Variants in WDR41 observed in about 807,000 individuals in gnomAD.
WDR41 encodes the protein WD repeat-containing protein 41.
A neutral mutation model predicts 69.3 loss-of-function variants in WDR41; 63 were observed. The ratio of observed to expected loss-of-function variants is 0.91; its 90% CI spans 0.74 to 1.12. WDR41 has a LOEUF of 1.12. Among genes scored for constraint, WDR41 ranks in the 50% most tolerant of loss-of-function variants. The probability of loss-of-function intolerance (pLI) is 0.00; values close to 1 mark genes in which losing one functional copy is unlikely to be tolerated. For synonymous variants in WDR41, 185 were observed against 192.1 expected, an observed-to-expected ratio of 0.96 and a Z score of 0.31; for missense variants, 543 against 534.5, an observed-to-expected ratio of 1.02 and a Z score of -0.16.
chr5:77,490,739 A>G (rs1801738055), intron 1 of WDR41, among the ~76,000 whole-genome samples: 1 of 152,226 alleles, frequency 6.6e-6, no homozygotes, highest in South Asian at 2.1e-4. Context: ...GGTTAAGCAA[A>G]TAACATGATT....
intron 6 of WDR41, chr5:77,451,639 C>T: frequency 3.6e-6 from 1 of 279,688 alleles, no homozygotes; most frequent in South Asian, 5.4e-5. Context: ...CAGCAATTCA[C>T]ACTTATTTAC....
At chr5:77,543,130 C>CT (rs1397564466) in intron 1 of WDR41, among the ~76,000 whole-genome samples, 2 of 152,150 alleles carry the variant, frequency 1.3e-5, no homozygotes, top group Non-Finnish European at 2.9e-5. Context: ...AGGGAACACC[C>CT]TGTGGGACAA....
chr5:77,456,270 A>C (rs1279807904), intron 5 of WDR41, among the ~76,000 whole-genome samples: 1 of 152,188 alleles, frequency 6.6e-6, no homozygotes, highest in Non-Finnish European at 1.5e-5. Flanking sequence ...TGGCCTCCCA[A>C]AGTGCTAGGA....
At chr5:77,526,694 T>C (rs1384435172) in intron 1 of WDR41, among the ~76,000 whole-genome samples, 1 of 152,160 alleles carries the variant, frequency 6.6e-6, no homozygotes, top group Admixed American at 6.5e-5. Context: ...GACTCCCTCA[T>C]TACTTTCTCC....
intron 2 of WDR41, among the ~76,000 whole-genome samples, chr5:77,472,006 T>C (rs906644157): frequency 6.6e-5 from 10 of 152,154 alleles, no homozygotes; most frequent in Non-Finnish European, 1.3e-4. Context: ...CTGATGAACA[T>C]TGATGCAGAA....
chr5:77,598,690 TGACATTAACAATA>T (rs1336079373), intron 1 of WDR41, among the ~76,000 whole-genome samples: 1 of 150,676 alleles, frequency 6.6e-6, no homozygotes, highest in African/African-American at 2.4e-5. Context: ...TTGAGTTGTC[TGACATTAACAATA>T]GAAAAGTACA....
intron 1 of WDR41, chr5:77,545,580 G>A: frequency 3.3e-6 from 1 of 302,642 alleles, no homozygotes; most frequent in South Asian, 4.8e-5. Context: ...TGGGCCGTCT[G>A]GTCAAGGACA....
chr5:77,610,249 G>C (rs1490511119), intron 1 of WDR41, among the ~76,000 whole-genome samples: 8 of 152,316 alleles, frequency 5.3e-5, no homozygotes, highest in African/African-American at 1.9e-4. Context: ...TTATACAGGA[G>C]AACTTCCCCA....
intron 1 of WDR41, among the ~76,000 whole-genome samples, chr5:77,490,092 C>T (rs1801704044): frequency 7.0e-6 from 1 of 142,836 alleles, no homozygotes; most frequent in African/African-American, 2.7e-5. Context: ...ACATTTTGGG[C>T]TAGAGAATTT....
At chr5:77,472,572 A>C (rs1422416828) in intron 2 of WDR41, among the ~76,000 whole-genome samples, 1 of 152,198 alleles carries the variant, frequency 6.6e-6, no homozygotes, top group Non-Finnish European at 1.5e-5. Flanking sequence ...CAACTTCAGC[A>C]AAGTCTCAGG....
intron 2 of WDR41, among the ~76,000 whole-genome samples, chr5:77,469,406 AG>A (rs1335091316): frequency 6.6e-6 from 1 of 152,206 alleles, no homozygotes; most frequent in Non-Finnish European, 1.5e-5. Flanking sequence ...CTCACAGCCC[AG>A]ATTTTGCTGA....
At chr5:77,594,884 ATATCACTATTCTCC>A (rs1744197848) in intron 1 of WDR41, among the ~76,000 whole-genome samples, 1 of 152,244 alleles carries the variant, frequency 6.6e-6, no homozygotes, top group Non-Finnish European at 1.5e-5. Context: ...AAATGCATTT[ATATCACTATTCTCC>A]TTCAGAGCAT....
chr5:77,578,495 A>G, intron 1 of WDR41, among the ~76,000 whole-genome samples: 1 of 152,254 alleles, frequency 6.6e-6, no homozygotes, highest in East Asian at 1.9e-4. Flanking sequence ...AGCAAGCAAC[A>G]GAAACTGCTA....
intron 10 of WDR41, among the ~76,000 whole-genome samples, chr5:77,437,951 A>G (rs139214092): frequency 6.6e-6 from 1 of 152,348 alleles, no homozygotes; most frequent in Non-Finnish European, 1.5e-5. Context: ...AATTGGTACA[A>G]TGTAAGTGGC....
chr5:77,440,840 A>G lies in WDR41; in HGVS notation c.855T>C (p.Ser285=). ...IKLCQKSNDI[S]IHHFTCDEEN... Reference sequence around the variant, plus strand: ...CTTCATCACATGTGAAATGATGAATAGAAATGTCATTTGATTTTTGACAGA... The same window carrying G: ...CTTCATCACATGTGAAATGATGAATGGAAATGTCATTTGATTTTTGACAGA... The change falls in exon 9 of 13, where the codon TCT becomes TCC. Residue 285 remains serine, a synonymous_variant. Coordinates refer to ENST00000296679, the MANE Select transcript of WDR41 (RefSeq NM_018268.4). 1 of 1,614,208 alleles carries G rather than the reference A, an allele frequency of 6.2e-7. No individual in the cohort carries two copies. Among genetic ancestry groups the G allele is most frequent in the Non-Finnish European group, 8.5e-7 (1 of 1,180,036 alleles).
chr5:77,512,090 T>C (rs998013148), intron 1 of WDR41, among the ~76,000 whole-genome samples: 1 of 152,118 alleles, frequency 6.6e-6, no homozygotes, highest in African/African-American at 2.4e-5. Context: ...AGTATGAAAA[T>C]GCTAAAATAA....
intron 1 of WDR41, among the ~76,000 whole-genome samples, chr5:77,554,241 A>C (rs1743350011): frequency 6.6e-6 from 1 of 152,152 alleles, no homozygotes; most frequent in Non-Finnish European, 1.5e-5. Flanking sequence ...TTAGAAATGG[A>C]GGATCGATTA....
At chr5:77,470,137 G>T (rs1472412245) in intron 2 of WDR41, among the ~76,000 whole-genome samples, 1 of 151,786 alleles carries the variant, frequency 6.6e-6, no homozygotes, top group Admixed American at 6.6e-5. Flanking sequence ...CATTCTTAAA[G>T]AAAAGAATTT....
chr5:77,469,641 T>A (rs1214679262), intron 2 of WDR41, among the ~76,000 whole-genome samples: 1 of 152,028 alleles, frequency 6.6e-6, no homozygotes, highest in East Asian at 1.9e-4. Context: ...CATTATTACA[T>A]TTACAATAAA....
Sources: allele counts gnomAD v4.1 joint callset (sites outside exome capture counted in the v4.1 genomes callset), GRCh38; gene constraint gnomAD v4.1.1; transcripts MANE v1.5; gene names NCBI Gene and HGNC (gene_info 2026-07-23, HGNC 2026-07-21).